EYA1: variants seen among roughly 807,000 people sequenced by gnomAD.
The protein encoded by EYA1 is protein phosphatase EYA1.
Under a neutral mutation model 82.0 loss-of-function variants are expected in EYA1, and 16 were observed. The observed-to-expected ratio is 0.20, with a 90% CI of 0.13 to 0.30. The LOEUF is 0.30. Among genes scored for constraint, EYA1 ranks in the 10% least tolerant of loss-of-function variants. The pLI is 1.00. For synonymous variants in EYA1, 261 were observed against 264.4 expected, an observed-to-expected ratio of 0.99 and a Z score of 0.12; for missense variants, 633 against 730.7, an observed-to-expected ratio of 0.87 and a Z score of 1.54.
intron 2 of EYA1, among the ~76,000 whole-genome samples, chr8:71,416,187 C>T (rs534807905): frequency 6.6e-6 from 1 of 152,326 alleles, no homozygotes; most frequent in African/African-American, 2.4e-5. Context: ...TTTCCCTGCT[C>T]CCTCCTGCTT....
chr8:71,363,591 C>T (rs1424310664), upstream of EYA1, among the ~76,000 whole-genome samples: 1 of 152,098 alleles, frequency 6.6e-6, no homozygotes, highest in Non-Finnish European at 1.5e-5. Flanking sequence ...AATTATGTTA[C>T]CACCTACTGC....
intron 9 of EYA1, among the ~76,000 whole-genome samples, chr8:71,290,709 A>G (rs1396191947): frequency 1.3e-5 from 2 of 152,046 alleles, no homozygotes; most frequent in Non-Finnish European, 2.9e-5. Context: ...AACAAAACTC[A>G]TTTTCATAAC....
chr8:71,319,134 ATTT>A (rs112207518), intron 6 of EYA1, among the ~76,000 whole-genome samples: 65 of 143,710 alleles, frequency 4.5e-4, no homozygotes, highest in East Asian at 2.8e-3. Context: ...TAATTCATGT[ATTT>A]TTTTTTTTTT....
At chr8:71,318,600 TAAC>T (rs2129027060) in intron 6 of EYA1, among the ~76,000 whole-genome samples, 1 of 152,284 alleles carries the variant, frequency 6.6e-6, no homozygotes, top group East Asian at 1.9e-4. Context: ...TCATACATGT[TAAC>T]AACTCTCCTT....
intron 1 of EYA1, among the ~76,000 whole-genome samples, chr8:71,543,513 T>C (rs1815314821): frequency 6.6e-6 from 1 of 152,190 alleles, no homozygotes; most frequent in African/African-American, 2.4e-5. Context: ...TAAGAAACTA[T>C]AGTTTAGTTT....
At chr8:71,247,280 C>T (rs144137454) in intron 11 of EYA1, among the ~76,000 whole-genome samples, 1 of 152,222 alleles carries the variant, frequency 6.6e-6, no homozygotes, top group East Asian at 1.9e-4. Context: ...GAACAGAGTA[C>T]GTGAAATATG....
chr8:71,302,013 T>C (rs957688943), intron 7 of EYA1, among the ~76,000 whole-genome samples: 9 of 152,142 alleles, frequency 5.9e-5, no homozygotes, highest in Admixed American at 5.9e-4. Context: ...AGCAAACTTA[T>C]ACATGATGAA....
At chr8:71,221,663 G>A (rs1809936562) in intron 12 of EYA1, among the ~76,000 whole-genome samples, 2 of 152,228 alleles carry the variant, frequency 1.3e-5, no homozygotes. Context: ...AATGTCGGGT[G>A]ATGGTCTGGC....
intron 2 of EYA1, among the ~76,000 whole-genome samples, chr8:71,491,253 T>TA (rs922389029): frequency 6.6e-6 from 1 of 152,020 alleles, no homozygotes; most frequent in African/African-American, 2.4e-5. Context: ...TTTATTTTTT[T>TA]AAAAAAAGCA....
intron 12 of EYA1, among the ~76,000 whole-genome samples, chr8:71,224,181 G>A (rs1319132131): frequency 1.3e-5 from 2 of 152,172 alleles, no homozygotes; most frequent in African/African-American, 4.8e-5. Flanking sequence ...ATATGAAAAA[G>A]TTACAATGTG....
intron 3 of EYA1, among the ~76,000 whole-genome samples, chr8:71,348,387 T>C (rs748687467): frequency 2.8e-4 from 43 of 152,346 alleles, no homozygotes; most frequent in Non-Finnish European, 6.3e-4. Context: ...AACCAGAGGT[T>C]TCTCTCAGAA....
At chr8:71,271,722 A>T (rs2128951456) in intron 10 of EYA1, 36 bp downstream of exon 10, 1 of 1,613,890 alleles carries the variant, frequency 6.2e-7, no homozygotes, top group East Asian at 2.2e-5. Context: ...CTATTAAGAC[A>T]CCTTTCTATT....
At chr8:71,502,052 T>C (rs761162366) in intron 2 of EYA1, among the ~76,000 whole-genome samples, 1 of 152,204 alleles carries the variant, frequency 6.6e-6, no homozygotes, top group African/African-American at 2.4e-5. Context: ...GATATATGTA[T>C]ATTAGGTGCT....
chr8:71,303,761 T>C (rs1820444748), intron 7 of EYA1, among the ~76,000 whole-genome samples: 1 of 142,488 alleles, frequency 7.0e-6, no homozygotes, highest in African/African-American at 2.5e-5. Context: ...TAAAACAAAA[T>C]ACCCATTGAG....
At chr8:71,527,016 C>A (rs1382093375) in intron 2 of EYA1, among the ~76,000 whole-genome samples, 1 of 152,126 alleles carries the variant, frequency 6.6e-6, no homozygotes, top group African/African-American at 2.4e-5. Context: ...GTATATGATA[C>A]TATACATAAA....
chr8:71,346,350 G>T (rs1443833001), intron 3 of EYA1, among the ~76,000 whole-genome samples: 1 of 149,838 alleles, frequency 6.7e-6, no homozygotes, highest in African/African-American at 2.5e-5. Context: ...CAATGTAATT[G>T]TGGATATACA....
At chr8:71,234,600 T>C (rs1458602232) in intron 12 of EYA1, among the ~76,000 whole-genome samples, 1 of 152,194 alleles carries the variant, frequency 6.6e-6, no homozygotes. Flanking sequence ...GCTCATACTT[T>C]TCCACCTACC....
chr8:71,200,936 A>G (rs875380), intron 17 of EYA1, among the ~76,000 whole-genome samples: 49,403 of 142,352 alleles, frequency 0.35, 9,808 homozygotes, highest in East Asian at 0.78. Context: ...TAGTTATGAA[A>G]GATTAACATT....
At chr8:71,386,221 G>C (rs556556746) in intron 2 of EYA1, among the ~76,000 whole-genome samples, 1 of 152,214 alleles carries the variant, frequency 6.6e-6, no homozygotes, top group South Asian at 2.1e-4. Flanking sequence ...GATCAGCACT[G>C]TCTCCAAGAC....
Sources: allele counts gnomAD v4.1 joint callset (sites outside exome capture counted in the v4.1 genomes callset), GRCh38; gene constraint gnomAD v4.1.1; transcripts MANE v1.5; gene names NCBI Gene and HGNC (gene_info 2026-07-23, HGNC 2026-07-21).